SUV39H2: variants seen among roughly 807,000 people sequenced by gnomAD.
The protein encoded by SUV39H2 is histone-lysine N-methyltransferase SUV39H2.
SUV39H2 carries 10 observed loss-of-function variants against 47.5 expected under a neutral mutation model. The ratio of observed to expected loss-of-function variants is 0.21; its 90% CI spans 0.13 to 0.36. The LOEUF (loss-of-function observed/expected upper bound fraction) is 0.36, where lower values mean the gene tolerates loss of function less well. SUV39H2 is among the 10% of genes least tolerant of loss of function. The probability of loss-of-function intolerance (pLI) is 1.00; values close to 1 mark genes in which losing one functional copy is unlikely to be tolerated. For missense variants in SUV39H2, 266 were observed against 487.4 expected (o/e 0.55, Z 4.28); for synonymous variants, 159 against 166.8 (o/e 0.95, Z 0.36).
intron 2 of SUV39H2, among the ~76,000 whole-genome samples, chr10:14,890,956 T>C (rs1036387172): frequency 3.3e-5 from 5 of 152,220 alleles, no homozygotes; most frequent in Admixed American, 6.5e-5. Flanking sequence ...TTTTTTGTTA[T>C]ACATTCAGAA....
intron 2 of SUV39H2, among the ~76,000 whole-genome samples, chr10:14,882,037 C>G (rs1833053701): frequency 6.6e-6 from 1 of 152,336 alleles, no homozygotes; most frequent in South Asian, 2.1e-4. Context: ...TCACCATTTG[C>G]ATTTCCTGCC....
intron 2 of SUV39H2, among the ~76,000 whole-genome samples, chr10:14,889,320 T>C (rs1313308610): frequency 6.6e-6 from 1 of 152,200 alleles, no homozygotes; most frequent in African/African-American, 2.4e-5. Flanking sequence ...ATGAATGTTA[T>C]AAAAGGTCAG....
intron 2 of SUV39H2, 108 bp from the exon 3 acceptor site, chr10:14,896,738 G>A (rs982240066): frequency 2.3e-6 from 2 of 886,218 alleles, no homozygotes; most frequent in Non-Finnish European, 3.4e-6. Context: ...TGAACTGTTA[G>A]TAAGAAAAAT....
At chr10:14,886,040 A>G (rs1421357164) in intron 2 of SUV39H2, among the ~76,000 whole-genome samples, 1 of 152,170 alleles carries the variant, frequency 6.6e-6, no homozygotes, top group Non-Finnish European at 1.5e-5. Flanking sequence ...ATCTCTTGTC[A>G]TATATCCTAT....
intron 2 of SUV39H2, among the ~76,000 whole-genome samples, chr10:14,884,931 C>T (rs1418862280): frequency 2.6e-5 from 4 of 152,228 alleles, no homozygotes; most frequent in Admixed American, 1.3e-4. Context: ...AGATAGAATG[C>T]GTGGAACAAA....
chr10:14,893,888 A>G (rs1287235965), intron 2 of SUV39H2, among the ~76,000 whole-genome samples: 1 of 152,102 alleles, frequency 6.6e-6, no homozygotes, highest in Non-Finnish European at 1.5e-5. Context: ...TTCCTGGATG[A>G]TTTAACCATT....
At chr10:14,899,263 G>A (rs1469793537) in intron 3 of SUV39H2, 4 of 702,046 alleles carry the variant, frequency 5.7e-6, no homozygotes, top group East Asian at 5.4e-5. Flanking sequence ...AAGGATACAG[G>A]GAGTCATGAT....
intron 1 of SUV39H2, among the ~76,000 whole-genome samples, chr10:14,879,361 C>T (rs1832972030): frequency 1.3e-5 from 2 of 152,194 alleles, no homozygotes; most frequent in South Asian, 4.1e-4. Context: ...GCGACGCCCG[C>T]CGGCGTGAAC....
chr10:14,881,493 A>G lies in SUV39H2; in HGVS notation c.32-7A>G. The G allele has an allele frequency of 6.7e-7, 1 of 1,490,880 alleles. No individual in the cohort carries two copies. The highest frequency in any genetic ancestry group is 8.9e-7 in the Non-Finnish European group (1 of 1,123,662). 92.4% of individuals were successfully genotyped at this position (1,490,880 alleles called of 1,614,324 possible). On this transcript the variant is annotated splice_polypyrimidine_tract_variant and splice_region_variant and intron_variant, in intron 1 of 5. Transcript: ENST00000354919. ...CATTAGTAAAGAATTCTATTTTCTT[A>G]TTGTAGCTTGGTGTGTGCCTTGCCT...
chr10:14,892,396 A>G (rs1269514944), intron 2 of SUV39H2, among the ~76,000 whole-genome samples: 2 of 152,344 alleles, frequency 1.3e-5, no homozygotes, highest in East Asian at 1.9e-4. Flanking sequence ...TTGCCTTACC[A>G]TGACAAGTTT....
In SUV39H2 at chr10:14,902,565, C is replaced by A; in HGVS notation, c.*53C>A. On this transcript the variant is annotated 3_prime_UTR_variant, in exon 6 of 6. Transcript: ENST00000354919. ...TATAATATTTTTTTCCTAATGTTAA[C>A]ATTTTTAAAAATACATATTTGGGAC... 8.5e-7 allele frequency: 1 copy of A among 1,176,618 alleles called. No individual in the cohort carries two copies. Among genetic ancestry groups the A allele is most frequent in the Non-Finnish European group, 1.2e-6 (1 of 848,968 alleles). The allele number at this position is 1,176,618 out of a possible 1,614,324, so 72.9% of individuals were successfully genotyped here.
At chr10:14,892,999 A>ATTTTTTTTTTT (rs869161891) in intron 2 of SUV39H2, among the ~76,000 whole-genome samples, 10 of 79,940 alleles carry the variant, frequency 1.3e-4, no homozygotes, top group Non-Finnish European at 1.8e-4. Flanking sequence ...AATTTTTTGT[A>ATTTTTTTTTTT]TTTTTTTTTT....
intron 3 of SUV39H2, chr10:14,899,166 A>C (rs1833814522): frequency 1.4e-6 from 1 of 699,696 alleles, no homozygotes; most frequent in Admixed American, 2.0e-5. Context: ...TATAAAAACT[A>C]AATCATTAGC....
At chr10:14,885,174 A>G (rs959651216) in intron 2 of SUV39H2, among the ~76,000 whole-genome samples, 1 of 152,078 alleles carries the variant, frequency 6.6e-6, no homozygotes, top group African/African-American at 2.4e-5. Flanking sequence ...TGTTTGGCTC[A>G]TTCAATCTTT....
chr10:14,887,500 G>T (rs908544136), intron 2 of SUV39H2, among the ~76,000 whole-genome samples: 6 of 152,136 alleles, frequency 3.9e-5, no homozygotes, highest in Non-Finnish European at 7.4e-5. Flanking sequence ...CTTTCTTGAA[G>T]ACATTTTAAG....
chr10:14,897,379 T>C lies in SUV39H2; in HGVS notation c.711T>C (p.Pro237=). 2 of 1,613,334 alleles carry C rather than the reference T, an allele frequency of 1.2e-6. No individual in the cohort carries two copies. Among genetic ancestry groups the C allele is most frequent in the Admixed American group, 1.7e-5 (1 of 60,032 alleles). Reference sequence around the variant, plus strand: ...GCAACTCAAGGTGTCAGTGTGGTCCTGATTGTCCCAATAGGATTGTACAAA... The same window carrying C: ...GCAACTCAAGGTGTCAGTGTGGTCCCGATTGTCCCAATAGGATTGTACAAA... The part of the protein sequence containing the change: ...YECNSRCQCG[P]DCPNRIVQKG... Residue 237 remains proline, a synonymous_variant, in exon 3 of 6, where the codon CCT becomes CCC. Transcript: ENST00000354919.
intron 2 of SUV39H2, among the ~76,000 whole-genome samples, chr10:14,890,068 C>T (rs1307644872): frequency 6.6e-6 from 1 of 152,188 alleles, no homozygotes; most frequent in African/African-American, 2.4e-5. Flanking sequence ...AGAACCACCT[C>T]TATATGGCGT....
intron 2 of SUV39H2, among the ~76,000 whole-genome samples, chr10:14,886,450 C>T (rs1348145122): frequency 6.6e-6 from 1 of 152,236 alleles, no homozygotes; most frequent in African/African-American, 2.4e-5. Flanking sequence ...CCTGCCAAAT[C>T]ATCCACCATT....
At chr10:14,888,405 G>T (rs1833280005) in intron 2 of SUV39H2, among the ~76,000 whole-genome samples, 1 of 152,014 alleles carries the variant, frequency 6.6e-6, no homozygotes, top group Non-Finnish European at 1.5e-5. Context: ...GGAGGCCGAG[G>T]CGGGCAGATC....
Sources: gnomAD v4.1 joint callset for allele counts (sites outside exome capture counted in the v4.1 genomes callset) on GRCh38, gnomAD v4.1.1 for gene constraint, MANE v1.5 for transcripts, NCBI Gene and HGNC (gene_info 2026-07-23, HGNC 2026-07-21) for gene names.